ALK: variants seen among roughly 807,000 people sequenced by gnomAD.
ALK encodes the protein ALK tyrosine kinase receptor.
ALK carries 74 observed loss-of-function variants against 163.1 expected under a neutral mutation model. That is an observed-to-expected ratio of 0.45 (90% CI 0.38 to 0.55). ALK has a LOEUF of 0.55. ALK is among the 20% of genes least tolerant of loss of function. ALK has a pLI of 0.00. For synonymous variants in ALK, 960 were observed against 843.2 expected (o/e 1.14, Z -2.40); for missense variants, 2,063 against 2,105.3 (o/e 0.98, Z 0.39).
chr2:29,879,137 A>T (rs942066964), intron 1 of ALK, among the ~76,000 whole-genome samples: 11 of 152,158 alleles, frequency 7.2e-5, no homozygotes, highest in Admixed American at 2.0e-4. Flanking sequence ...CTAAAGGGCT[A>T]CTGTCCACAC....
At chr2:29,406,368 A>G (rs745342570) in intron 4 of ALK, among the ~76,000 whole-genome samples, 1 of 152,082 alleles carries the variant, frequency 6.6e-6, no homozygotes, top group Non-Finnish European at 1.5e-5. Flanking sequence ...ACCCTTTTGT[A>G]TAAGGACTTG....
intron 4 of ALK, among the ~76,000 whole-genome samples, chr2:29,480,529 G>A (rs941029545): frequency 3.9e-5 from 6 of 152,100 alleles, no homozygotes; most frequent in Admixed American, 6.5e-5. Context: ...AACTGTGTAT[G>A]GTCCTAGGTG....
intron 4 of ALK, among the ~76,000 whole-genome samples, chr2:29,512,199 T>C (rs1015159661): frequency 6.6e-6 from 1 of 152,176 alleles, no homozygotes; most frequent in African/African-American, 2.4e-5. Flanking sequence ...TTAGATTTTG[T>C]TTAGGTCTAG....
rs528806275 is a variant in ALK at position 29,238,731 on chromosome 2, C to T, written c.2355+949G>A. Among the ~76,000 whole-genome samples the T allele has an allele frequency of 7.9e-5, 12 of 152,302 alleles. 1 individual carries two copies. In the South Asian group the frequency reaches 2.5e-3, roughly 32 times the overall value. ...CAGCAGAGTGAGCTGCCCTCTGTTC[C>T]TGGCCCAGAATCGCCTCCTCCTGCC... On this transcript the variant is annotated intron_variant, in intron 13 of 28. Transcript: ENST00000389048.
intron 3 of ALK, among the ~76,000 whole-genome samples, chr2:29,668,996 T>C (rs1407186909): frequency 6.6e-6 from 1 of 152,022 alleles, no homozygotes; most frequent in Non-Finnish European, 1.5e-5. Context: ...ACTGGGTCCT[T>C]CCCATGACAC....
intron 5 of ALK, among the ~76,000 whole-genome samples, chr2:29,366,717 C>T (rs1668517652): frequency 6.6e-6 from 1 of 152,132 alleles, no homozygotes; most frequent in African/African-American, 2.4e-5. Flanking sequence ...TTTACTTACA[C>T]TTCAGAGGAA....
chr2:29,635,712 C>G (rs577377644), intron 3 of ALK, among the ~76,000 whole-genome samples: 1 of 152,096 alleles, frequency 6.6e-6, no homozygotes, highest in East Asian at 1.9e-4. Flanking sequence ...AAGTGATTCT[C>G]ATGCCTCAGA....
At chr2:29,731,400 T>C (rs550131352) in intron 1 of ALK, among the ~76,000 whole-genome samples, 3 of 152,308 alleles carry the variant, frequency 2.0e-5, no homozygotes, top group African/African-American at 7.2e-5. Context: ...TTCCAAGGTT[T>C]GAGCATAAAC....
At chr2:29,378,064 TA>T (rs1339094969) in intron 5 of ALK, among the ~76,000 whole-genome samples, 1 of 152,220 alleles carries the variant, frequency 6.6e-6, no homozygotes, top group East Asian at 1.9e-4. Flanking sequence ...TGGCCTGCTA[TA>T]AAATGTATGT....
At chr2:29,402,613 G>T (rs978311734) in intron 4 of ALK, among the ~76,000 whole-genome samples, 1 of 152,144 alleles carries the variant, frequency 6.6e-6, no homozygotes, top group Non-Finnish European at 1.5e-5. Context: ...ATTTTGATAT[G>T]GTCATTCTCT....
intron 4 of ALK, among the ~76,000 whole-genome samples, chr2:29,502,739 A>C (rs1023072325): frequency 2.0e-5 from 3 of 152,108 alleles, no homozygotes; most frequent in African/African-American, 7.2e-5. Context: ...CTCATCCTAC[A>C]ATGTTAAATA....
At chr2:29,573,544 TA>T (rs1162250504) in intron 3 of ALK, among the ~76,000 whole-genome samples, 1 of 152,236 alleles carries the variant, frequency 6.6e-6, no homozygotes, top group Admixed American at 6.5e-5. Flanking sequence ...AGGTGACATG[TA>T]AAAATTATAT....
chr2:29,663,973 G>C, intron 3 of ALK, among the ~76,000 whole-genome samples: 1 of 152,136 alleles, frequency 6.6e-6, no homozygotes, highest in East Asian at 1.9e-4. Context: ...CACAAGGAGA[G>C]GGCAAAAAGA....
intron 4 of ALK, among the ~76,000 whole-genome samples, chr2:29,516,777 T>C (rs1039752500): frequency 3.9e-5 from 6 of 152,200 alleles, no homozygotes; most frequent in Admixed American, 1.3e-4. Flanking sequence ...TAAAGGCATT[T>C]AGAACAATGT....
Position 29,800,135 on chromosome 2 carries a change from A to G in ALK, c.668-82438T>C, listed in dbSNP as rs576570176. Among the ~76,000 whole-genome samples, 8 of 152,304 alleles carry G rather than the reference A, an allele frequency of 5.3e-5. No homozygotes were observed. In the South Asian group the frequency reaches 6.2e-4, roughly 12 times the overall value. The stretch of plus-strand genomic sequence containing the variant: ...GAGATGAAAGTGAGGGGTGGAGAGG[A>G]ATGTGAAAGCCAGGGAGGACCCCTC... On this transcript the variant is annotated intron_variant, in intron 1 of 28. Transcript: ENST00000389048.
At chr2:29,824,788 AT>A (rs1212842824) in intron 1 of ALK, among the ~76,000 whole-genome samples, 1 of 152,080 alleles carries the variant, frequency 6.6e-6, no homozygotes, top group African/African-American at 2.4e-5. Flanking sequence ...CTCAGATGAG[AT>A]GTTGAACTGT....
At position 29,430,023 on chromosome 2, in the gene ALK, C is replaced by A. The variant is rs192288527; in HGVS notation, c.1155-46164G>T. On this transcript the variant is annotated intron_variant, in intron 4 of 28. Coordinates refer to ENST00000389048, the MANE Select transcript of ALK (RefSeq NM_004304.5). ...ATATCCAATGCAAAATGAAGTTGAA[C>A]CCCTACCTCATATAAGATATAAAAC... Among the ~76,000 whole-genome samples, 48 of 152,134 alleles carry A rather than the reference C, an allele frequency of 3.2e-4. No homozygotes were observed. The East Asian group carries it at 8.1e-3, about 26-fold the overall frequency.
chr2:29,441,300 C>A (rs1670537409), intron 4 of ALK, among the ~76,000 whole-genome samples: 1 of 152,232 alleles, frequency 6.6e-6, no homozygotes. Flanking sequence ...CAATCAATCA[C>A]TTTAGGTGCC....
intron 4 of ALK, among the ~76,000 whole-genome samples, chr2:29,460,460 A>G (rs1181343205): frequency 6.6e-6 from 1 of 152,170 alleles, no homozygotes; most frequent in African/African-American, 2.4e-5. Context: ...GCAGCCCTGC[A>G]TAGAGTAAGT....
Sources: allele counts gnomAD v4.1 joint callset (sites outside exome capture counted in the v4.1 genomes callset), GRCh38; gene constraint gnomAD v4.1.1; transcripts MANE v1.5; gene names NCBI Gene and HGNC (gene_info 2026-07-23, HGNC 2026-07-21).